The following B3GAT2 variants were observed in gnomAD, a reference collection of about 807,000 sequenced individuals.
The protein encoded by B3GAT2 is galactosylgalactosylxylosylprotein 3-beta-glucuronosyltransferase 2.
Under a neutral mutation model 27.8 loss-of-function variants are expected in B3GAT2, and 26 were observed. The observed-to-expected ratio is 0.93, with a 90% CI of 0.68 to 1.30. B3GAT2 has a LOEUF of 1.30. Among genes scored for constraint, B3GAT2 ranks in the 50% most tolerant of loss-of-function variants. The pLI is 0.00. For missense variants in B3GAT2, 458 were observed against 459.0 expected, an observed-to-expected ratio of 1.00 and a Z score of 0.02; for synonymous variants, 218 against 195.1, an observed-to-expected ratio of 1.12 and a Z score of -0.98.
In B3GAT2 at chr6:70,860,134, G is replaced by A; in HGVS notation, c.*1529C>T. 1 of 1,499,876 alleles carries A rather than the reference G, an allele frequency of 6.7e-7. No individual in the cohort carries two copies. The highest frequency in any genetic ancestry group is 8.9e-7 in the Non-Finnish European group (1 of 1,122,544). The allele number at this position is 1,499,876 out of a possible 1,614,324, so 92.9% of individuals were successfully genotyped here. A position where few individuals can be genotyped will look rare whatever the true frequency, so the allele number is the denominator to read the frequency against. ...TTAATGAAAAAATGACCAACTGTGTGGCTAAAGAAACAAGAATTAAAAGTG... is the reference window on the plus strand; with the variant it reads ...TTAATGAAAAAATGACCAACTGTGTAGCTAAAGAAACAAGAATTAAAAGTG... On this transcript the variant is annotated 3_prime_UTR_variant, in exon 4 of 4. Coordinates refer to ENST00000230053, the MANE Select transcript of B3GAT2 (RefSeq NM_080742.3).
chr6:70,864,656 C>CA (rs1771820430), intron 2 of B3GAT2, among the ~76,000 whole-genome samples: 1 of 152,146 alleles, frequency 6.6e-6, no homozygotes, highest in Non-Finnish European at 1.5e-5. Flanking sequence ...GGAGAGACTG[C>CA]ATGTTAACTA....
chr6:70,940,147 C>T (rs917390992), intron 1 of B3GAT2, among the ~76,000 whole-genome samples: 4 of 151,912 alleles, frequency 2.6e-5, no homozygotes, highest in African/African-American at 9.7e-5. Flanking sequence ...GGTAAAACCA[C>T]ACACAGACAC....
Position 70,860,343 on chromosome 6 carries a change from A to C in B3GAT2, c.*1320T>G, listed in dbSNP as rs1202304810. ...CACAACTGTGGAAATGAAAACTGCA[A>C]TACAAGTTTCATCCAGAACTACCAC... On this transcript the variant is annotated 3_prime_UTR_variant, in exon 4 of 4. Transcript: ENST00000230053. The C allele has an allele frequency of 6.2e-7, 1 of 1,602,266 alleles. No individual in the cohort carries two copies. Among genetic ancestry groups the C allele is most frequent in the Admixed American group, 1.7e-5 (1 of 57,306 alleles).
chr6:70,929,574 T>C (rs1221064573), intron 1 of B3GAT2, among the ~76,000 whole-genome samples: 1 of 152,140 alleles, frequency 6.6e-6, no homozygotes, highest in Non-Finnish European at 1.5e-5. Flanking sequence ...AGACAAATCA[T>C]GAGTGAACTC....
chr6:70,875,873 C>T (rs1322174762), intron 2 of B3GAT2, among the ~76,000 whole-genome samples: 1 of 152,198 alleles, frequency 6.6e-6, no homozygotes, highest in Non-Finnish European at 1.5e-5. Context: ...ATTTAAATCT[C>T]TACTCTGAAA....
At chr6:70,943,520 T>C (rs1438387006) in intron 1 of B3GAT2, among the ~76,000 whole-genome samples, 1 of 152,188 alleles carries the variant, frequency 6.6e-6, no homozygotes, top group African/African-American at 2.4e-5. Flanking sequence ...AAATTATTCT[T>C]CCGTTCAGTT....
rs918465863 is a variant in B3GAT2, at chr6:70,892,272, T to C, written c.736+1856A>G. Among the ~76,000 whole-genome samples, 9 of 152,230 alleles carry C rather than the reference T, an allele frequency of 5.9e-5. No individual in the cohort carries two copies. The South Asian group carries it at 1.7e-3, about 28-fold the overall frequency. ...GCAGTCCTAGATAGGCCAGCCCTAA[T>C]GCACAAACACATACATCTTTAATTT... On this transcript the variant is annotated intron_variant, in intron 2 of 3. Transcript: ENST00000230053.
At chr6:70,864,164 T>G (rs1771813323) in intron 2 of B3GAT2, among the ~76,000 whole-genome samples, 1 of 151,846 alleles carries the variant, frequency 6.6e-6, no homozygotes, top group Admixed American at 6.6e-5. Flanking sequence ...ATACTGGTTG[T>G]ATTTCCCCAT....
intron 2 of B3GAT2, among the ~76,000 whole-genome samples, chr6:70,886,333 A>G (rs1459804205): frequency 6.6e-6 from 1 of 152,244 alleles, no homozygotes; most frequent in African/African-American, 2.4e-5. Context: ...GTGAGGATTC[A>G]TGAAGAAAGA....
intron 1 of B3GAT2, among the ~76,000 whole-genome samples, chr6:70,943,387 C>A (rs1765423561): frequency 6.6e-6 from 1 of 152,192 alleles, no homozygotes. Flanking sequence ...CCAGAAGGAG[C>A]CATCTCAGCC....
At chr6:70,881,587 G>A (rs1772099448) in intron 2 of B3GAT2, among the ~76,000 whole-genome samples, 1 of 152,084 alleles carries the variant, frequency 6.6e-6, no homozygotes, top group African/African-American at 2.4e-5. Flanking sequence ...CTTCACCAGT[G>A]GGCTGTGATA....
chr6:70,912,523 C>T (rs1264656733), intron 1 of B3GAT2, among the ~76,000 whole-genome samples: 1 of 152,086 alleles, frequency 6.6e-6, no homozygotes, highest in East Asian at 1.9e-4. Context: ...CTGCTGAATT[C>T]AGATTGCTAG....
chr6:70,900,709 G>T (rs1772484095), intron 1 of B3GAT2, among the ~76,000 whole-genome samples: 1 of 152,192 alleles, frequency 6.6e-6, no homozygotes, highest in African/African-American at 2.4e-5. Context: ...GGAACACTCA[G>T]AAGATCACAT....
At chr6:70,926,088 G>A (rs1772951891) in intron 1 of B3GAT2, among the ~76,000 whole-genome samples, 1 of 152,196 alleles carries the variant, frequency 6.6e-6, no homozygotes, top group African/African-American at 2.4e-5. Flanking sequence ...GGTCCTGAAT[G>A]TTAGAAGGAA....
rs775410411 is a variant in B3GAT2 at position 70,859,178 on chromosome 6, T to C, written c.*2485A>G. ...ATTTTGCTACCACCATTTACAAGAA[T>C]ATAGGTAAAACATTGGTCTCTACCC... On this transcript the variant is annotated 3_prime_UTR_variant, in exon 4 of 4. Coordinates refer to ENST00000230053, the MANE Select transcript of B3GAT2 (RefSeq NM_080742.3). 4 of 544,238 alleles carry C rather than the reference T, an allele frequency of 7.3e-6. No homozygotes were observed. The highest frequency in any genetic ancestry group is 7.2e-5 in the Admixed American group (2 of 27,900). The allele number at this position is 544,238 out of a possible 1,614,324, so 33.7% of individuals were successfully genotyped here.
chr6:70,914,100 T>C (rs1187744157), intron 1 of B3GAT2, among the ~76,000 whole-genome samples: 1 of 152,140 alleles, frequency 6.6e-6, no homozygotes, highest in Non-Finnish European at 1.5e-5. Context: ...GATGGGTCTC[T>C]TGAAGACAGC....
At chr6:70,931,447 C>A (rs1442954071) in intron 1 of B3GAT2, among the ~76,000 whole-genome samples, 1 of 152,134 alleles carries the variant, frequency 6.6e-6, no homozygotes. Context: ...GTGTAAAGCT[C>A]TTTCTCTATT....
chr6:70,956,643 G>A lies in B3GAT2; in HGVS notation c.-214C>T. On this transcript the variant is annotated 5_prime_UTR_variant, in exon 1 of 4. Transcript: ENST00000230053. Reference sequence around the variant, plus strand: ...CGCGCAAGCTAGAGCGACAAGGGGTGCAGGCGGGCGGGCAGGGGCTGCCCC... The same window carrying A: ...CGCGCAAGCTAGAGCGACAAGGGGTACAGGCGGGCGGGCAGGGGCTGCCCC... The A allele has an allele frequency of 7.1e-7, 1 of 1,414,324 alleles. No homozygotes were observed. The highest frequency in any genetic ancestry group is 1.5e-5 in the South Asian group (1 of 66,416). The allele number at this position is 1,414,324 out of a possible 1,614,324, so 87.6% of individuals were successfully genotyped here.
At chr6:70,883,352 G>A (rs1772128559) in intron 2 of B3GAT2, among the ~76,000 whole-genome samples, 2 of 150,964 alleles carry the variant, frequency 1.3e-5, no homozygotes, top group Non-Finnish European at 2.9e-5. Flanking sequence ...ATGGATAAAC[G>A]AAATGTGGAC....
Sources: gnomAD v4.1 joint callset for allele counts (sites outside exome capture counted in the v4.1 genomes callset) on GRCh38, gnomAD v4.1.1 for gene constraint, MANE v1.5 for transcripts, NCBI Gene and HGNC (gene_info 2026-07-23, HGNC 2026-07-21) for gene names.